Variants in CEP250 observed in about 807,000 individuals in gnomAD.
CEP250 encodes centrosomal protein 250.
A neutral mutation model predicts 315.7 loss-of-function variants in CEP250; 242 were observed. The ratio of observed to expected loss-of-function variants is 0.77; its 90% CI spans 0.69 to 0.85. The LOEUF is 0.85. Ranked by LOEUF, CEP250 falls within the 40% of genes least tolerant of loss-of-function variation. CEP250 has a pLI of 0.00. For synonymous variants in CEP250, 1,088 were observed against 1,175.0 expected (o/e 0.93, Z 1.51); for missense variants, 2,515 against 2,886.4 (o/e 0.87, Z 2.95).
At chr20:35,490,489 C>A in intron 20 of CEP250, 148 bp from the exon 21 acceptor site, 1 of 526,434 alleles carries the variant, frequency 1.9e-6, no homozygotes, top group South Asian at 4.1e-5. Context: ...GAATATTAGC[C>A]TTGCTTTACA....
chr20:35,494,505 C>A lies in CEP250; in HGVS notation c.3034-19C>A. On this transcript the variant is annotated intron_variant, in intron 23 of 34. Coordinates refer to ENST00000397527, the MANE Select transcript of CEP250 (RefSeq NM_007186.6). ...CCCCCTGCCCTGCCATCTTGGTCTT[C>A]ATGCCCTTAATTTTCCAGGTGGAGG... 3 of 1,613,230 alleles carry A rather than the reference C, an allele frequency of 1.9e-6. No homozygotes were observed. The highest frequency in any genetic ancestry group is 2.5e-6 in the Non-Finnish European group (3 of 1,179,920).
intron 24 of CEP250, 21 bp from the exon 25 acceptor site, chr20:35,496,556 C>T: frequency 6.2e-7 from 1 of 1,611,944 alleles, no homozygotes; most frequent in African/African-American, 1.3e-5. Context: ...TGGCCCAGCA[C>T]TCTGACCCCT....
chr20:35,518,664 C>T lies in CEP250; in HGVS notation c.*7038C>T, dbSNP rs554843577. ...TTGCTATTTTTGATGCTCAAATTGC[C>T]GCAAATCTAATGTCCAAGTGTTCTT... On this transcript the variant is annotated 3_prime_UTR_variant, in exon 35 of 35. Coordinates refer to ENST00000397527, the MANE Select transcript of CEP250 (RefSeq NM_007186.6). The T allele has an allele frequency of 3.3e-5, 5 of 152,148 alleles. No homozygotes were observed. The highest frequency in any genetic ancestry group is 2.1e-4 in the South Asian group (1 of 4,828). The allele number at this position is 152,148 out of a possible 1,614,324, so 9.4% of individuals were successfully genotyped here. A position where few individuals can be genotyped will look rare whatever the true frequency, so the allele number is the denominator to read the frequency against.
rs373719796 is a variant in CEP250, at chr20:35,500,036, C to T, written c.3778-13C>T. ...TGAGGAACTCACGTTTAGCCATGCC[C>T]TTCCTTTCCCAGGATGTTCTGAGGG... On this transcript the variant is annotated splice_polypyrimidine_tract_variant and intron_variant, in intron 27 of 34. Coordinates refer to ENST00000397527, the MANE Select transcript of CEP250 (RefSeq NM_007186.6). 1.9e-6 allele frequency: 3 copies of T among 1,613,934 alleles called. No individual in the cohort carries two copies. The highest frequency in any genetic ancestry group is 1.3e-5 in the African/African-American group (1 of 74,930).
chr20:35,460,682 T>G (rs1441193003), intron 3 of CEP250, among the ~76,000 whole-genome samples: 1 of 152,260 alleles, frequency 6.6e-6, no homozygotes, highest in Non-Finnish European at 1.5e-5. Flanking sequence ...GCCAGAAATA[T>G]GGATTTTATG....
At chr20:35,493,757 C>T (rs2063761812) in intron 23 of CEP250, among the ~76,000 whole-genome samples, 185 bp downstream of exon 23, 1 of 152,046 alleles carries the variant, frequency 6.6e-6, no homozygotes, top group African/African-American at 2.4e-5. Context: ...CTGGCAGAGC[C>T]CTGGGATAGT....
At position 35,504,447 on chromosome 20, in the gene CEP250, C is replaced by G. The variant is rs776880760; in HGVS notation, c.6078C>G (p.Ile2026Met). 1.2e-6 allele frequency: 2 copies of G among 1,611,822 alleles called. No individual in the cohort carries two copies. Among genetic ancestry groups the G allele is most frequent in the African/African-American group, 1.3e-5 (1 of 74,892 alleles). ...EEALRIQEGE[I>M]QDQDLRYQED... is the part of the protein sequence containing the mutation. ...CTCTGAGGATACAAGAAGGTGAGAT[C>G]CAGGACCAGGATCTCCGATACCAGG... Residue 2026 changes from isoleucine (I) to methionine (M), a missense_variant, in exon 30 of 35, where the codon ATC becomes ATG. Ile to Met is a conservative substitution (Grantham distance 10). Coordinates refer to ENST00000397527, the MANE Select transcript of CEP250 (RefSeq NM_007186.6).
chr20:35,464,941 A>G (rs2062837706), intron 5 of CEP250, among the ~76,000 whole-genome samples: 1 of 152,108 alleles, frequency 6.6e-6, no homozygotes, highest in African/African-American at 2.4e-5. Context: ...AAAAAAAGAA[A>G]ACGTCGTAAG....
chr20:35,472,753 C>T lies in CEP250; in HGVS notation c.1131C>T (p.Ser377=). The change falls in exon 12 of 35, where the codon TCC becomes TCT. Residue 377 remains serine (S), a synonymous_variant. Coordinates refer to ENST00000397527, the MANE Select transcript of CEP250 (RefSeq NM_007186.6). ...NSLELDSSIF[S]QFDYQDADKA... ...TGGAATTGGACTCTAGTATCTTCTC[C>T]CAGTTTGATTACCAGGATGCAGACA... The T allele has an allele frequency of 6.2e-7, 1 of 1,614,052 alleles. No individual in the cohort carries two copies. The highest frequency in any genetic ancestry group is 1.3e-5 in the African/African-American group (1 of 75,002).
At chr20:35,476,761 C>G in intron 16 of CEP250, 166 bp downstream of exon 16, 1 of 567,082 alleles carries the variant, frequency 1.8e-6, no homozygotes, top group Non-Finnish European at 3.0e-6. Flanking sequence ...TATTCCCCTC[C>G]CACACCTCCA....
rs762725308 is a variant in CEP250 at position 35,511,396 on chromosome 20, C to T, written c.7099C>T (p.Arg2367Trp). ...VLLQAQLTLERKQKQDYITRS... is the reference protein window; with the variant it reads ...VLLQAQLTLEWKQKQDYITRS... ...GCTGCAAGCTCAGCTGACTTTGGAG[C>T]GGAAGCAGAAGCAGGACTACATCAC... is the stretch of plus-strand genomic sequence containing the variant. Residue 2367 changes from arginine to tryptophan, a missense_variant, in exon 35 of 35, where the codon CGG (arginine) becomes TGG (tryptophan). Arg to Trp is a moderately radical substitution (Grantham distance 101). Coordinates refer to ENST00000397527, the MANE Select transcript of CEP250 (RefSeq NM_007186.6). 33 of 1,610,188 alleles carry T rather than the reference C, an allele frequency of 2.0e-5. No individual in the cohort carries two copies. Among genetic ancestry groups the T allele is most frequent in the East Asian group, 8.9e-5 (4 of 44,754 alleles).
rs139681236 is a variant in CEP250 at position 35,504,911 on chromosome 20, C to G, written c.6542C>G (p.Ala2181Gly). Reference sequence around the variant, plus strand: ...GCCCAGGACTTGGCACTCTCCCTAGCGCAGACCAAGGCCAGTGTCAGCAGT... The same window carrying G: ...GCCCAGGACTTGGCACTCTCCCTAGGGCAGACCAAGGCCAGTGTCAGCAGT... ...EKAQDLALSL[A>G]QTKASVSSLQ... The change falls in exon 30 of 35, where the codon GCG becomes GGG. Residue 2181 changes from alanine (A) to glycine (G), a missense_variant. Ala to Gly is a moderately conservative substitution (Grantham distance 60). Transcript: ENST00000397527. 1.3e-5 allele frequency: 21 copies of G among 1,614,060 alleles called. No homozygotes were observed. The African/African-American group carries it at 1.9e-4, about 14-fold the overall frequency.
At position 35,513,573 on chromosome 20, in the gene CEP250, A is replaced by G. The variant is rs1219554410; in HGVS notation, c.*1947A>G. ...GCGCCCGGCCCTTTAGGCCATTTTT[A>G]TGCTAGGAGTTGTCAGAGACAAGAC... On this transcript the variant is annotated 3_prime_UTR_variant, in exon 35 of 35. Coordinates refer to ENST00000397527, the MANE Select transcript of CEP250 (RefSeq NM_007186.6). 6.6e-6 allele frequency: 1 copy of G among 152,124 alleles called. No individual in the cohort carries two copies. The highest frequency in any genetic ancestry group is 2.4e-5 in the African/African-American group (1 of 41,416). The allele number at this position is 152,124 out of a possible 1,614,324, so 9.4% of individuals were successfully genotyped here.
At chr20:35,495,497 C>A (rs546957424) in intron 24 of CEP250, among the ~76,000 whole-genome samples, 22 of 152,264 alleles carry the variant, frequency 1.4e-4, no homozygotes, top group African/African-American at 5.3e-4. Context: ...CTGTGTCCCA[C>A]GACTGTAATC....
At chr20:35,463,468 C>A in intron 4 of CEP250, 107 bp from the exon 5 acceptor site, 1 of 835,624 alleles carries the variant, frequency 1.2e-6, no homozygotes, top group Non-Finnish European at 1.8e-6. Flanking sequence ...TGTCACCACC[C>A]ATTTCCCCTG....
At chr20:35,500,949 A>G (rs1477327545) in intron 28 of CEP250, among the ~76,000 whole-genome samples, 2 of 152,230 alleles carry the variant, frequency 1.3e-5, no homozygotes, top group Non-Finnish European at 2.9e-5. Flanking sequence ...CTGTAAGAAC[A>G]TTATAAAACT....
At position 35,463,629 on chromosome 20, in the gene CEP250, GGAGT is replaced by G; in HGVS notation, c.243+6_243+9del. On this transcript the variant is annotated splice_donor_variant and coding_sequence_variant, in exon 5 of 35. Coordinates refer to ENST00000397527, the MANE Select transcript of CEP250 (RefSeq NM_007186.6). LOFTEE classifies it high-confidence loss of function. ...GCTGGAGAAGCGGCTAGAAGCCACTGGAGTGAGTGAGGCTGAGCTCTCTGCACCC... is the reference window on the plus strand; with the variant it reads ...GCTGGAGAAGCGGCTAGAAGCCACTGGAGTGAGGCTGAGCTCTCTGCACCC... The G allele has an allele frequency of 3.1e-6, 5 of 1,608,336 alleles. No homozygotes were observed. Among genetic ancestry groups the G allele is most frequent in the Non-Finnish European group, 4.2e-6 (5 of 1,177,138 alleles).
chr20:35,490,835 T>A, intron 21 of CEP250, 31 bp downstream of exon 21: 1 of 1,607,232 alleles, frequency 6.2e-7, no homozygotes, highest in Non-Finnish European at 8.5e-7. Context: ...GAGCTGCACG[T>A]CCAGTCAGCG....
At chr20:35,491,947 C>T (rs935000487) in intron 22 of CEP250, among the ~76,000 whole-genome samples, 5 of 140,988 alleles carry the variant, frequency 3.5e-5, no homozygotes, top group African/African-American at 1.3e-4. Flanking sequence ...GCATAACAGA[C>T]ATTGCCCCTG....
Sources: allele counts gnomAD v4.1 joint callset (sites outside exome capture counted in the v4.1 genomes callset), GRCh38; gene constraint gnomAD v4.1.1; transcripts MANE v1.5; gene names NCBI Gene and HGNC (gene_info 2026-07-23, HGNC 2026-07-21).